SH3GL2: variants seen among roughly 807,000 people sequenced by gnomAD.
SH3GL2 encodes endophilin-A1.
SH3GL2 carries 24 observed loss-of-function variants against 46.0 expected under a neutral mutation model. The observed-to-expected ratio is 0.52, with a 90% CI of 0.38 to 0.73. SH3GL2 has a LOEUF of 0.73. Ranked by LOEUF, SH3GL2 falls within the 30% of genes least tolerant of loss-of-function variation. The pLI, the probability that SH3GL2 is intolerant of heterozygous loss-of-function variation, is 0.00. For synonymous variants in SH3GL2, 196 were observed against 147.1 expected, an observed-to-expected ratio of 1.33 and a Z score of -2.40; for missense variants, 413 against 424.2, an observed-to-expected ratio of 0.97 and a Z score of 0.23.
intron 1 of SH3GL2, among the ~76,000 whole-genome samples, chr9:17,681,865 C>A (rs746850277): frequency 6.6e-6 from 1 of 151,760 alleles, no homozygotes; most frequent in South Asian, 2.1e-4. Flanking sequence ...CAAGAAAAAA[C>A]CCCATCAAAA....
rs546597822 is a variant in SH3GL2 at position 17,617,830 on chromosome 9, T to C, written c.45+38543T>C. Among the ~76,000 whole-genome samples the C allele has an allele frequency of 3.9e-5, 6 of 152,116 alleles. No homozygotes were observed. In the South Asian group the frequency reaches 1.2e-3, roughly 32 times the overall value. ...GAAATAGCGTATTTGGAAGGTTGTA[T>C]GTCAGGACCATCTTCTGTTTGTGAG... On this transcript the variant is annotated intron_variant, in intron 1 of 8. Coordinates refer to ENST00000380607, the MANE Select transcript of SH3GL2 (RefSeq NM_003026.5).
At chr9:17,687,256 C>T (rs1820942908) in intron 1 of SH3GL2, among the ~76,000 whole-genome samples, 1 of 151,908 alleles carries the variant, frequency 6.6e-6, no homozygotes, top group Non-Finnish European at 1.5e-5. Context: ...GTTACGTTTT[C>T]ATTGAAATCA....
rs10429594 is a variant in SH3GL2 at position 17,704,446 on chromosome 9, G to C, written c.46-42620G>C. 4.2e-3 allele frequency among the ~76,000 whole-genome samples: 633 copies of C among 151,654 alleles called. 5 individuals carry two copies. The highest frequency in any genetic ancestry group is 6.2e-3 in the Non-Finnish European group (420 of 67,812). ...ACAGAATTAGAAAAAAAAAATATTA[G>C]AACTCCTATGGAATCAAAAAGCCTG... On this transcript the variant is annotated intron_variant, in intron 1 of 8. Transcript: ENST00000380607.
chr9:17,727,970 T>G (rs1470910525), intron 1 of SH3GL2, among the ~76,000 whole-genome samples: 1 of 152,058 alleles, frequency 6.6e-6, no homozygotes, highest in East Asian at 1.9e-4. Context: ...AGAATAAAAC[T>G]GCCATTGGGA....
chr9:17,643,318 A>G (rs1038189706), intron 1 of SH3GL2, among the ~76,000 whole-genome samples: 12 of 152,200 alleles, frequency 7.9e-5, no homozygotes, highest in East Asian at 5.8e-4. Flanking sequence ...TAAATATACA[A>G]TCATGTCATC....
At chr9:17,654,468 A>G (rs186635486) in intron 1 of SH3GL2, among the ~76,000 whole-genome samples, 2 of 152,338 alleles carry the variant, frequency 1.3e-5, no homozygotes, top group African/African-American at 4.8e-5. Context: ...CCTGTTGGCT[A>G]GACCATTGAG....
At chr9:17,687,937 G>GAAAA (rs1820965230) in intron 1 of SH3GL2, among the ~76,000 whole-genome samples, 2 of 152,082 alleles carry the variant, frequency 1.3e-5, no homozygotes, top group Non-Finnish European at 2.9e-5. Flanking sequence ...ATTCATTTAA[G>GAAAA]AGATGCCTGA....
chr9:17,770,982 T>C (rs1823463804), intron 3 of SH3GL2, among the ~76,000 whole-genome samples: 1 of 152,180 alleles, frequency 6.6e-6, no homozygotes, highest in Non-Finnish European at 1.5e-5. Context: ...TAGGACTCAA[T>C]TTAGGCATGC....
At chr9:17,718,729 G>A (rs183925746) in intron 1 of SH3GL2, among the ~76,000 whole-genome samples, 131 of 152,148 alleles carry the variant, frequency 8.6e-4, no homozygotes, top group African/African-American at 2.9e-3. Context: ...GACCCTGTCT[G>A]AAAAGAAAAT....
At chr9:17,706,894 A>G (rs1462036687) in intron 1 of SH3GL2, among the ~76,000 whole-genome samples, 1 of 152,064 alleles carries the variant, frequency 6.6e-6, no homozygotes, top group Non-Finnish European at 1.5e-5. Context: ...TTACCTCAAC[A>G]AAATAGTAAG....
intron 1 of SH3GL2, among the ~76,000 whole-genome samples, chr9:17,685,633 G>A (rs202206542): frequency 1.3e-5 from 2 of 151,982 alleles, no homozygotes; most frequent in East Asian, 3.9e-4. Context: ...TATAAGGTGT[G>A]AGGAAGGGAT....
At chr9:17,634,922 A>G (rs9406680) in intron 1 of SH3GL2, among the ~76,000 whole-genome samples, 79,041 of 151,996 alleles carry the variant, frequency 0.52, 21,517 homozygotes, top group Non-Finnish European at 0.62. Flanking sequence ...GTGGGGAAGC[A>G]TAGGATTCAG....
chr9:17,774,313 T>G (rs1823578638), intron 3 of SH3GL2, among the ~76,000 whole-genome samples: 1 of 152,146 alleles, frequency 6.6e-6, no homozygotes, highest in Non-Finnish European at 1.5e-5. Flanking sequence ...GCCAGAACTT[T>G]CAGTACTGTG....
chr9:17,663,340 T>C (rs1445588995), intron 1 of SH3GL2, among the ~76,000 whole-genome samples: 1 of 152,202 alleles, frequency 6.6e-6, no homozygotes, highest in Non-Finnish European at 1.5e-5. Context: ...ATTTGCTTTT[T>C]TACTGTTTAT....
At chr9:17,651,263 A>T (rs140375597) in intron 1 of SH3GL2, among the ~76,000 whole-genome samples, 2 of 152,138 alleles carry the variant, frequency 1.3e-5, no homozygotes, top group African/African-American at 2.4e-5. Context: ...GATGGGATGT[A>T]ATAGGAAATC....
Position 17,795,764 on chromosome 9 carries a change from GC to G in SH3GL2, c.*23del, listed in dbSNP as rs1563858495. 2.5e-6 allele frequency: 4 copies of G among 1,592,574 alleles called. No individual in the cohort carries two copies. In the Admixed American group the frequency reaches 5.0e-5, roughly 20 times the overall value. On this transcript the variant is annotated 3_prime_UTR_variant, in exon 9 of 9. Coordinates refer to ENST00000380607, the MANE Select transcript of SH3GL2 (RefSeq NM_003026.5). Reference sequence around the variant, plus strand: ...ATTAGGATGTTATGCTGGCTGGCTCGCCTCCTCTTGACCCAGATAGTTACGG... The same window carrying G: ...ATTAGGATGTTATGCTGGCTGGCTCGCTCCTCTTGACCCAGATAGTTACGG...
chr9:17,686,869 G>A (rs1216052428), intron 1 of SH3GL2, among the ~76,000 whole-genome samples: 2 of 150,568 alleles, frequency 1.3e-5, no homozygotes, highest in African/African-American at 4.9e-5. Context: ...CAGCGCACCA[G>A]CATGGCACAT....
At position 17,680,889 on chromosome 9, in the gene SH3GL2, C is replaced by T. The variant is rs536410392; in HGVS notation, c.46-66177C>T. ...TTTCTGCCTTCATTTCGTTATGTACCCAGTAGTCATTCAGGAGCAGGTTGT... is the reference window on the plus strand; with the variant it reads ...TTTCTGCCTTCATTTCGTTATGTACTCAGTAGTCATTCAGGAGCAGGTTGT... On this transcript the variant is annotated intron_variant, in intron 1 of 8. Coordinates refer to ENST00000380607, the MANE Select transcript of SH3GL2 (RefSeq NM_003026.5). 1.9e-4 allele frequency among the ~76,000 whole-genome samples: 29 copies of T among 152,040 alleles called. No homozygotes were observed. In the South Asian group the frequency reaches 5.2e-3, roughly 27 times the overall value.
chr9:17,750,007 C>T (rs1477308609), intron 2 of SH3GL2, among the ~76,000 whole-genome samples: 1 of 152,136 alleles, frequency 6.6e-6, no homozygotes, highest in Admixed American at 6.6e-5. Flanking sequence ...ATTTAGGTTT[C>T]AGTGCAGTGT....
Sources: gnomAD v4.1 joint callset for allele counts (sites outside exome capture counted in the v4.1 genomes callset) on GRCh38, gnomAD v4.1.1 for gene constraint, MANE v1.5 for transcripts, NCBI Gene and HGNC (gene_info 2026-07-23, HGNC 2026-07-21) for gene names.